The following PTK2 variants were observed in gnomAD, a reference collection of about 807,000 sequenced individuals.
PTK2 encodes the protein focal adhesion kinase 1.
A neutral mutation model predicts 150.1 loss-of-function variants in PTK2; 45 were observed. The ratio of observed to expected loss-of-function variants is 0.30; its 90% CI spans 0.24 to 0.38. The LOEUF is 0.38. Among genes scored for constraint, PTK2 ranks in the 10% least tolerant of loss-of-function variants. The pLI is 1.00. For synonymous variants in PTK2, 432 were observed against 449.2 expected (o/e 0.96, Z 0.48); for missense variants, 919 against 1,307.3 (o/e 0.70, Z 4.58).
intron 15 of PTK2, among the ~76,000 whole-genome samples, chr8:140,763,708 C>T (rs2100070619): frequency 6.6e-6 from 1 of 152,060 alleles, no homozygotes; most frequent in African/African-American, 2.4e-5. Flanking sequence ...CCACACCTCC[C>T]ATCCCTGAGG....
chr8:140,673,125 C>T (rs1316404766), intron 29 of PTK2, among the ~76,000 whole-genome samples: 2 of 148,594 alleles, frequency 1.3e-5, no homozygotes, highest in Non-Finnish European at 3.0e-5. Context: ...TTTTTAACCT[C>T]GAGACGGAAT....
intron 16 of PTK2, among the ~76,000 whole-genome samples, chr8:140,753,979 TAAC>T (rs1489837450): frequency 6.6e-6 from 1 of 152,246 alleles, no homozygotes; most frequent in African/African-American, 2.4e-5. Context: ...GTGTTTTGCT[TAAC>T]AAGTTAGCTG....
intron 7 of PTK2, among the ~76,000 whole-genome samples, chr8:140,844,110 T>C (rs955840849): frequency 9.9e-5 from 15 of 152,194 alleles, no homozygotes; most frequent in African/African-American, 3.1e-4. Context: ...GATTAGACTG[T>C]GGTTATGGGT....
intron 20 of PTK2, among the ~76,000 whole-genome samples, chr8:140,739,984 GCAT>G (rs1200906862): frequency 6.6e-6 from 1 of 152,192 alleles, no homozygotes; most frequent in Non-Finnish European, 1.5e-5. Flanking sequence ...CTAGGTGAAT[GCAT>G]CAGCGCAGAC....
chr8:140,712,349 T>C (rs920298098), intron 23 of PTK2, among the ~76,000 whole-genome samples: 1 of 152,238 alleles, frequency 6.6e-6, no homozygotes, highest in Non-Finnish European at 1.5e-5. Context: ...GATGTTCTGT[T>C]TTGTTGCAAT....
chr8:140,665,811 A>C (rs1482541320), intron 30 of PTK2, among the ~76,000 whole-genome samples: 1 of 152,230 alleles, frequency 6.6e-6, no homozygotes, highest in Non-Finnish European at 1.5e-5. Context: ...CTTAGTATGT[A>C]CAAAATTCTG....
At chr8:140,797,576 T>C (rs2100092463) in intron 12 of PTK2, among the ~76,000 whole-genome samples, 1 of 152,216 alleles carries the variant, frequency 6.6e-6, no homozygotes, top group Non-Finnish European at 1.5e-5. Flanking sequence ...ACAGAAAACC[T>C]ACTTACAATT....
At chr8:140,923,568 T>A (rs553697159) in intron 2 of PTK2, among the ~76,000 whole-genome samples, 120 of 152,254 alleles carry the variant, frequency 7.9e-4, no homozygotes, top group South Asian at 2.5e-3. Flanking sequence ...AAATTCCTAA[T>A]CCAGTGACAT....
At chr8:140,853,089 G>A (rs2100130328) in intron 5 of PTK2, among the ~76,000 whole-genome samples, 1 of 152,016 alleles carries the variant, frequency 6.6e-6, no homozygotes, top group Non-Finnish European at 1.5e-5. Flanking sequence ...GGTCAGTCAC[G>A]TAGGCGTTGT....
intron 10 of PTK2, among the ~76,000 whole-genome samples, chr8:140,814,932 G>A (rs1428949306): frequency 2.6e-5 from 4 of 151,992 alleles, no homozygotes; most frequent in Non-Finnish European, 4.4e-5. Context: ...ATGCCACCAC[G>A]CCCAGCTGAT....
intron 8 of PTK2, among the ~76,000 whole-genome samples, chr8:140,823,790 C>T (rs534755958): frequency 2.4e-4 from 37 of 152,338 alleles, no homozygotes; most frequent in Admixed American, 1.4e-3. Flanking sequence ...TGACTAGTAG[C>T]ACTAGACAGC....
intron 1 of PTK2, among the ~76,000 whole-genome samples, chr8:140,956,336 G>A (rs1185032225): frequency 1.3e-5 from 2 of 152,156 alleles, no homozygotes; most frequent in East Asian, 1.9e-4. Flanking sequence ...GGGGAAGCGG[G>A]GAAGGAATAA....
intron 6 of PTK2, 39 bp from the exon 7 acceptor site, chr8:140,846,361 A>T (rs781493335): frequency 6.3e-7 from 1 of 1,582,378 alleles, no homozygotes; most frequent in Admixed American, 1.7e-5. Flanking sequence ...TGTATATATA[A>T]GGAATGTTTG....
intron 1 of PTK2, among the ~76,000 whole-genome samples, chr8:140,953,195 C>T (rs556078270): frequency 6.6e-6 from 1 of 152,254 alleles, no homozygotes; most frequent in East Asian, 1.9e-4. Context: ...CTCCTAGTCC[C>T]CCCCAGTAGA....
intron 23 of PTK2, among the ~76,000 whole-genome samples, chr8:140,716,276 T>C (rs2100039660): frequency 6.6e-6 from 1 of 152,326 alleles, no homozygotes; most frequent in Admixed American, 6.5e-5. Flanking sequence ...ACTGGACTAT[T>C]CTGCAGTAGT....
intron 4 of PTK2, among the ~76,000 whole-genome samples, chr8:140,868,539 T>C (rs2100140703): frequency 6.6e-6 from 1 of 152,170 alleles, no homozygotes; most frequent in Non-Finnish European, 1.5e-5. Flanking sequence ...AACCTTGTAG[T>C]GGAGAAACCT....
At chr8:140,868,280 C>T (rs1048146670) in intron 4 of PTK2, among the ~76,000 whole-genome samples, 1 of 152,176 alleles carries the variant, frequency 6.6e-6, no homozygotes, top group Middle Eastern at 3.2e-3. Flanking sequence ...ATTAACTTCA[C>T]ACAACACAGA....
intron 1 of PTK2, among the ~76,000 whole-genome samples, chr8:140,990,891 C>A (rs2100195478): frequency 6.6e-6 from 1 of 152,102 alleles, no homozygotes; most frequent in Non-Finnish European, 1.5e-5. Flanking sequence ...ATGCTGAAAA[C>A]CCAGAGAATG....
chr8:140,966,037 A>G (rs1019740671), intron 1 of PTK2, among the ~76,000 whole-genome samples: 3 of 134,030 alleles, frequency 2.2e-5, no homozygotes, highest in African/African-American at 5.0e-5. Context: ...CTTTCCATGC[A>G]CTCTGCCTTT....
Sources: allele counts gnomAD v4.1 joint callset (sites outside exome capture counted in the v4.1 genomes callset), GRCh38; gene constraint gnomAD v4.1.1; transcripts MANE v1.5; gene names NCBI Gene and HGNC (gene_info 2026-07-23, HGNC 2026-07-21).